The following PPP6R2 variants were observed in gnomAD, a reference collection of about 807,000 sequenced individuals.
The protein encoded by PPP6R2 is protein phosphatase 6 regulatory subunit 2, also known as serine/threonine-protein phosphatase 6 regulatory subunit 2.
Under a neutral mutation model 100.2 loss-of-function variants are expected in PPP6R2, and 62 were observed. The observed-to-expected ratio is 0.62, with a 90% CI of 0.50 to 0.76. PPP6R2 has a LOEUF of 0.76. PPP6R2 is among the 30% of genes least tolerant of loss of function. The pLI is 0.00. For synonymous variants in PPP6R2, 525 were observed against 514.7 expected, an observed-to-expected ratio of 1.02 and a Z score of -0.27; for missense variants, 1,142 against 1,276.3, an observed-to-expected ratio of 0.89 and a Z score of 1.60.
At chr22:50,436,103 G>A (rs2064191423) in intron 13 of PPP6R2, among the ~76,000 whole-genome samples, 1 of 152,216 alleles carries the variant, frequency 6.6e-6, no homozygotes, top group African/African-American at 2.4e-5. Flanking sequence ...GCCCACTGGG[G>A]TTTCGGTAGG....
chr22:50,332,020 C>T, the PPP6R2 span, among the ~76,000 whole-genome samples: 1 of 152,128 alleles, frequency 6.6e-6, no homozygotes, highest in African/African-American at 2.4e-5. Context: ...CTACCTCAGC[C>T]TCCCAAAGTG....
At chr22:50,349,379 A>C (rs939190520) in intron 1 of PPP6R2, among the ~76,000 whole-genome samples, 2 of 150,160 alleles carry the variant, frequency 1.3e-5, no homozygotes, top group African/African-American at 2.5e-5. Flanking sequence ...AAAAAAAAAA[A>C]AAAAACGGGC....
chr22:50,426,644 G>C (rs2062170550), intron 10 of PPP6R2, among the ~76,000 whole-genome samples: 1 of 152,050 alleles, frequency 6.6e-6, no homozygotes, highest in Non-Finnish European at 1.5e-5. Flanking sequence ...TGACCAGCCT[G>C]GCCAATGTGG....
chr22:50,424,449 AACGTCTGTCAG>A (rs2061768347), intron 10 of PPP6R2, among the ~76,000 whole-genome samples: 19 of 97,650 alleles, frequency 1.9e-4, no homozygotes, highest in African/African-American at 6.3e-4. Context: ...CCGCGTGTGG[AACGTCTGTCAG>A]CGTGTGGAAG....
At position 50,391,021 on chromosome 22, in the gene PPP6R2, A is replaced by T. The variant is rs186334553; in HGVS notation, c.-16-2872A>T. Among the ~76,000 whole-genome samples the T allele has an allele frequency of 2.8e-3, 427 of 150,852 alleles. 1 individual carries two copies. Among genetic ancestry groups the T allele is most frequent in the African/African-American group, 9.6e-3 (392 of 41,016 alleles). ...CTCAAAAAAAAAAAAAAGAAAAGAAATTCAGGCCGGATGCAGTGGCTCACA... is the reference window on the plus strand; with the variant it reads ...CTCAAAAAAAAAAAAAAGAAAAGAATTTCAGGCCGGATGCAGTGGCTCACA... On this transcript the variant is annotated intron_variant, in intron 2 of 23. Coordinates refer to ENST00000612753, the MANE Select transcript of PPP6R2 (RefSeq NM_001242898.2).
chr22:50,385,359 C>T (rs982857550), intron 2 of PPP6R2, among the ~76,000 whole-genome samples: 9 of 151,476 alleles, frequency 5.9e-5, no homozygotes, highest in Admixed American at 2.0e-4. Flanking sequence ...CCATCACGTC[C>T]GGCTAATTTT....
chr22:50,434,898 C>A, intron 12 of PPP6R2, 68 bp from the exon 13 acceptor site: 11 of 1,423,118 alleles, frequency 7.7e-6, no homozygotes, highest in South Asian at 1.3e-5. Context: ...TGCCACTTGG[C>A]TCTCTGGGTC....
At chr22:50,405,950 TGAGAGGCCTGGAGAGAGGC>T (rs2058843818) in intron 3 of PPP6R2, among the ~76,000 whole-genome samples, 1 of 52,216 alleles carries the variant, frequency 1.9e-5, no homozygotes, top group Non-Finnish European at 3.7e-5. Flanking sequence ...TGGAGAGAGG[TGAGAGGCCTGGAGAGAGGC>T]GAGAGGCCTG....
chr22:50,400,206 A>G (rs1397221605), intron 3 of PPP6R2, among the ~76,000 whole-genome samples: 1 of 152,196 alleles, frequency 6.6e-6, no homozygotes, highest in Non-Finnish European at 1.5e-5. Flanking sequence ...CCACCAAGGG[A>G]AACACTGGGA....
At chr22:50,436,517 G>A in intron 14 of PPP6R2, 65 bp downstream of exon 14, 2 of 1,500,144 alleles carry the variant, frequency 1.3e-6, no homozygotes, top group Non-Finnish European at 1.8e-6. Context: ...AGACGCTCCT[G>A]CCTTTGCCCT....
chr22:50,335,552 G>A, the PPP6R2 span, among the ~76,000 whole-genome samples: 3 of 149,078 alleles, frequency 2.0e-5, no homozygotes, highest in Non-Finnish European at 3.0e-5. Context: ...TCACTCTGTC[G>A]CCAGGCTGGA....
At chr22:50,388,882 A>G (rs2054833544) in intron 2 of PPP6R2, 1 of 151,928 alleles carries the variant, frequency 6.6e-6, no homozygotes, top group Non-Finnish European at 1.5e-5. Context: ...AAAAAAAAAA[A>G]GAAAAGAAAA....
intron 3 of PPP6R2, among the ~76,000 whole-genome samples, chr22:50,405,287 AAGGCCTGGAGGGAGGTGAG>A (rs1281502622): frequency 9.4e-5 from 10 of 106,578 alleles, no homozygotes; most frequent in Non-Finnish European, 2.0e-4. Context: ...GGCGAGTGCG[AAGGCCTGGAGGGAGGTGAG>A]AGGCCTGGAG....
intron 22 of PPP6R2, among the ~76,000 whole-genome samples, chr22:50,442,404 A>T (rs1436957156): frequency 6.6e-6 from 1 of 152,234 alleles, no homozygotes; most frequent in Non-Finnish European, 1.5e-5. Flanking sequence ...ATCTGCAGCA[A>T]GTGGGGGGCA....
At chr22:50,402,344 T>G (rs1477831364) in intron 3 of PPP6R2, among the ~76,000 whole-genome samples, 1 of 151,590 alleles carries the variant, frequency 6.6e-6, no homozygotes, top group Non-Finnish European at 1.5e-5. Flanking sequence ...TTTTTTTTTT[T>G]TTACCAAGTT....
intron 4 of PPP6R2, among the ~76,000 whole-genome samples, chr22:50,413,027 C>A (rs2147395544): frequency 6.8e-6 from 1 of 147,016 alleles, no homozygotes; most frequent in East Asian, 2.0e-4. Context: ...ATGGTGCGAT[C>A]TTGGCTTACC....
At chr22:50,417,365 C>T (rs1470426258) in intron 6 of PPP6R2, among the ~76,000 whole-genome samples, 1 of 152,178 alleles carries the variant, frequency 6.6e-6, no homozygotes, top group African/African-American at 2.4e-5. Context: ...GAGATGGGGG[C>T]TATAAAGGCA....
At chr22:50,440,172 G>A (rs573726279) in intron 21 of PPP6R2, 123 bp downstream of exon 21, 3 of 873,098 alleles carry the variant, frequency 3.4e-6, no homozygotes, top group East Asian at 5.3e-5. Flanking sequence ...CTACGTCTCT[G>A]GTGACATTGG....
chr22:50,388,029 G>T (rs1280076977), intron 2 of PPP6R2, among the ~76,000 whole-genome samples: 1 of 152,090 alleles, frequency 6.6e-6, no homozygotes, highest in African/African-American at 2.4e-5. Flanking sequence ...GTGGCTGGGC[G>T]CCAGTGGCTC....
Sources: gnomAD v4.1 joint callset for allele counts (sites outside exome capture counted in the v4.1 genomes callset) on GRCh38, gnomAD v4.1.1 for gene constraint, MANE v1.5 for transcripts, NCBI Gene and HGNC (gene_info 2026-07-23, HGNC 2026-07-21) for gene names.